The following TJP1 variants were observed in gnomAD, a reference collection of about 807,000 sequenced individuals.
TJP1 encodes the protein tight junction protein ZO-1.
Under a neutral mutation model 194.2 loss-of-function variants are expected in TJP1, and 43 were observed. The observed-to-expected ratio is 0.22, with a 90% CI of 0.17 to 0.29. TJP1 has a LOEUF of 0.29. TJP1 is among the 10% of genes least tolerant of loss of function. The probability of loss-of-function intolerance (pLI) is 1.00; values close to 1 mark genes in which losing one functional copy is unlikely to be tolerated. For synonymous variants in TJP1, 801 were observed against 779.0 expected, an observed-to-expected ratio of 1.03 and a Z score of -0.47; for missense variants, 1,971 against 2,185.7, an observed-to-expected ratio of 0.90 and a Z score of 1.96.
At chr15:29,726,294 TA>T (rs2043231761) in intron 18 of TJP1, 84 bp downstream of exon 18, 1 of 1,148,556 alleles carries the variant, frequency 8.7e-7, no homozygotes, top group Admixed American at 2.0e-5. Context: ...TTGATCTAAT[TA>T]GAAAGCACTG....
chr15:29,842,937 A>G (rs1219904171), intron 2 of TJP1, among the ~76,000 whole-genome samples: 1 of 152,216 alleles, frequency 6.6e-6, no homozygotes, highest in Non-Finnish European at 1.5e-5. Flanking sequence ...CAGGTGGACA[A>G]AATGCCTATT....
chr15:29,875,997 C>G (rs535111973), intron 2 of TJP1, among the ~76,000 whole-genome samples: 1 of 152,156 alleles, frequency 6.6e-6, no homozygotes, highest in Non-Finnish European at 1.5e-5. Context: ...GCTAGCCACA[C>G]GTGACTAATT....
intron 18 of TJP1, 150 bp downstream of exon 18, chr15:29,726,229 T>C: frequency 2.9e-6 from 2 of 684,452 alleles, no homozygotes; most frequent in Admixed American, 2.9e-5. Context: ...TCATAACCCC[T>C]ACACACAAAT....
rs143620706 is a variant in TJP1 at position 29,869,364 on chromosome 15, C to G, written c.307-68662G>C. 2.0e-3 allele frequency among the ~76,000 whole-genome samples: 299 copies of G among 152,288 alleles called. 6 individuals carry two copies. In the South Asian group the frequency reaches 0.045, roughly 23 times the overall value. On this transcript the variant is annotated intron_variant, in intron 2 of 28. Coordinates refer to the TJP1 transcript ENST00000356107. Reference sequence around the variant, plus strand: ...TATTTCATCCATCACACTGGCAAAACTCTAGGGAGGGCCTGGGAAAACATT... The same window carrying G: ...TATTTCATCCATCACACTGGCAAAAGTCTAGGGAGGGCCTGGGAAAACATT...
Position 29,708,930 on chromosome 15 carries a change from A to G in TJP1, c.4479T>C (p.Thr1493=). 2 of 1,614,126 alleles carry G rather than the reference A, an allele frequency of 1.2e-6. No individual in the cohort carries two copies. Among genetic ancestry groups the G allele is most frequent in the Non-Finnish European group, 1.7e-6 (2 of 1,180,024 alleles). The stretch of plus-strand genomic sequence containing the variant: ...TCTGGGGATAGAAAGCTGCCTGAGC[A>G]GTATCTTCTCGGTTTGGTGGTCTGA... ...ATFRPPNRED[T]AQAAFYPQKS... The change falls in exon 25 of 28, where the codon ACT becomes ACC. Residue 1493 remains threonine (T), a synonymous_variant. Coordinates refer to ENST00000614355, the MANE Select transcript of TJP1 (RefSeq NM_001330239.4).
chr15:29,750,038 G>A (rs1285266190), intron 8 of TJP1, among the ~76,000 whole-genome samples: 1 of 147,862 alleles, frequency 6.8e-6, no homozygotes, highest in South Asian at 2.2e-4. Flanking sequence ...ACTGAGTCTC[G>A]GTCTGTCACC....
chr15:29,942,692 C>T (rs775370272), intron 2 of TJP1, among the ~76,000 whole-genome samples: 10 of 152,188 alleles, frequency 6.6e-5, no homozygotes, highest in Non-Finnish European at 1.5e-4. Flanking sequence ...CACAGCGGTG[C>T]GTACCTCCGC....
chr15:29,794,057 T>C (rs991794802), intron 2 of TJP1, among the ~76,000 whole-genome samples: 4 of 152,194 alleles, frequency 2.6e-5, no homozygotes, highest in African/African-American at 4.8e-5. Flanking sequence ...CTTTAAATGT[T>C]TGGTAGAGTT....
chr15:29,772,130 T>C lies in TJP1; in HGVS notation c.246A>G (p.Ser82=), dbSNP rs1299897802. ...NDRVAMVNGV[S]MDNVEHAFAV... ...CAAAAGCATGTTCAACATTATCCATTGAAACTCCGTTAACCATTGCAACTC... is the reference window on the plus strand; with the variant it reads ...CAAAAGCATGTTCAACATTATCCATCGAAACTCCGTTAACCATTGCAACTC... The change falls in exon 4 of 28, where the codon TCA becomes TCG. Residue 82 remains serine (S), a synonymous_variant. Transcript: ENST00000614355. 6.2e-7 allele frequency: 1 copy of C among 1,606,310 alleles called. No homozygotes were observed. The highest frequency in any genetic ancestry group is 1.7e-5 in the Admixed American group (1 of 57,626).
In TJP1 at chr15:29,704,750, G is replaced by A. The variant is rs549329965; in HGVS notation, c.5069-445C>T. ...AAACATATTCAAATGTGCTTGTTGC[G>A]AATGTGATATATTTTCCATTTTCAA... On this transcript the variant is annotated intron_variant, in intron 26 of 27. Coordinates refer to ENST00000614355, the MANE Select transcript of TJP1 (RefSeq NM_001330239.4). Among the ~76,000 whole-genome samples the A allele has an allele frequency of 6.6e-5, 10 of 152,240 alleles. No individual in the cohort carries two copies. The East Asian group carries it at 1.5e-3, about 24-fold the overall frequency.
intron 2 of TJP1, among the ~76,000 whole-genome samples, chr15:29,836,327 C>A (rs2051027942): frequency 6.6e-6 from 1 of 151,330 alleles, no homozygotes; most frequent in Non-Finnish European, 1.5e-5. Flanking sequence ...GGCTGGAGTG[C>A]AGTTGCACAA....
downstream of TJP1, chr15:29,699,589 A>G (rs112701710): frequency 2.1e-4 from 32 of 152,274 alleles, no homozygotes; most frequent in Non-Finnish European, 4.0e-4. Flanking sequence ...TATGTAAATT[A>G]TACCTTAACA....
intron 2 of TJP1, among the ~76,000 whole-genome samples, chr15:29,955,623 C>T (rs893320772): frequency 1.8e-4 from 28 of 151,804 alleles, no homozygotes; most frequent in Admixed American, 1.5e-3. Context: ...TAGTGGCACA[C>T]GCCTATAGTC....
intron 8 of TJP1, among the ~76,000 whole-genome samples, chr15:29,743,292 A>G (rs1390954171): frequency 6.6e-6 from 1 of 152,222 alleles, no homozygotes; most frequent in African/African-American, 2.4e-5. Flanking sequence ...ATTGGGAAAC[A>G]TATATAATAC....
intron 2 of TJP1, among the ~76,000 whole-genome samples, chr15:29,954,809 G>A (rs997640530): frequency 2.0e-5 from 3 of 152,100 alleles, no homozygotes; most frequent in Non-Finnish European, 4.4e-5. Context: ...GGCCGGGCAC[G>A]GTGGCTCACG....
intron 2 of TJP1, among the ~76,000 whole-genome samples, chr15:29,923,694 A>G (rs1327023368): frequency 6.6e-6 from 1 of 152,154 alleles, no homozygotes; most frequent in African/African-American, 2.4e-5. Flanking sequence ...TACTCTAAAC[A>G]TGACTGTGGT....
At chr15:29,760,865 G>A (rs2045958383) in intron 8 of TJP1, among the ~76,000 whole-genome samples, 1 of 152,148 alleles carries the variant, frequency 6.6e-6, no homozygotes, top group Admixed American at 6.5e-5. Context: ...ACATAGTCAT[G>A]CCCATTCATT....
chr15:29,879,969 T>C (rs1159963638), intron 2 of TJP1, among the ~76,000 whole-genome samples: 1 of 152,180 alleles, frequency 6.6e-6, no homozygotes, highest in Non-Finnish European at 1.5e-5. Context: ...GGAAGGGCAA[T>C]GGAGAATATT....
In TJP1 at chr15:29,811,550, C is replaced by T. The variant is rs1326518790; in HGVS notation, c.27+10452G>A. On this transcript the variant is annotated intron_variant, in intron 1 of 27. Transcript: ENST00000614355. ...TAGAACTTGCTAATCAACCATTCACCATACTAGGTAGACATCCAAATTGAG... is the reference window on the plus strand; with the variant it reads ...TAGAACTTGCTAATCAACCATTCACTATACTAGGTAGACATCCAAATTGAG... Among the ~76,000 whole-genome samples, 4 of 152,236 alleles carry T rather than the reference C, an allele frequency of 2.6e-5. No homozygotes were observed. The South Asian group carries it at 8.3e-4, about 32-fold the overall frequency.
Sources: allele counts gnomAD v4.1 joint callset (sites outside exome capture counted in the v4.1 genomes callset), GRCh38; gene constraint gnomAD v4.1.1; transcripts MANE v1.5; gene names NCBI Gene and HGNC (gene_info 2026-07-23, HGNC 2026-07-21).